Variants in ATOX1 observed in about 807,000 individuals in gnomAD.
ATOX1 encodes copper transport protein ATOX1.
Under a neutral mutation model 7.3 loss-of-function variants are expected in ATOX1, and 4 were observed. The observed-to-expected ratio is 0.55, with a 90% CI of 0.27 to 1.25. The LOEUF is 1.25. Among genes scored for constraint, ATOX1 ranks in the 50% most tolerant of loss-of-function variants. The pLI, the probability that ATOX1 is intolerant of heterozygous loss-of-function variation, is 0.12. For missense variants in ATOX1, 68 were observed against 81.6 expected (o/e 0.83, Z 0.64); for synonymous variants, 25 against 28.7 (o/e 0.87, Z 0.41).
chr5:151,743,172 G>A (rs916996095), intron 3 of ATOX1: 4 of 152,240 alleles, frequency 2.6e-5, no homozygotes, highest in African/African-American at 4.8e-5. Flanking sequence ...CTGCTCCCAT[G>A]AAGTCTGTTA....
Position 151,751,148 on chromosome 5 carries a change from T to C in ATOX1, c.82+556A>G, listed in dbSNP as rs186794472. On this transcript the variant is annotated intron_variant, in intron 2 of 3. Coordinates refer to ENST00000313115, the MANE Select transcript of ATOX1 (RefSeq NM_004045.4). ...GTGCATGCCTGTAATCCCAGCTACT[T>C]GGAAGGCTGAGGCAAGAGAATTGCT... is the stretch of plus-strand genomic sequence containing the variant. Among the ~76,000 whole-genome samples, 120 of 149,726 alleles carry C rather than the reference T, an allele frequency of 8.0e-4. 2 individuals carry two copies. In the East Asian group the frequency reaches 0.02, roughly 25 times the overall value.
intron 1 of ATOX1, among the ~76,000 whole-genome samples, chr5:151,753,441 A>C (rs1761976047): frequency 6.6e-6 from 1 of 152,224 alleles, no homozygotes; most frequent in Non-Finnish European, 1.5e-5. Flanking sequence ...AAGGTTAGCT[A>C]TTGGATTATT....
chr5:151,745,478 C>T (rs1330086817), intron 3 of ATOX1: 1 of 152,166 alleles, frequency 6.6e-6, no homozygotes, highest in East Asian at 1.9e-4. Context: ...CCAGGAGTGC[C>T]CTGCTGAGAC....
At chr5:151,743,149 C>A (rs1761841063) in intron 3 of ATOX1, 190 bp from the exon 4 acceptor site, 2 of 152,256 alleles carry the variant, frequency 1.3e-5, no homozygotes, top group Admixed American at 1.3e-4. Flanking sequence ...GCCCCAGTGT[C>A]CAGCCCTGCA....
intron 1 of ATOX1, among the ~76,000 whole-genome samples, chr5:151,753,177 T>C (rs1454412355): frequency 6.6e-6 from 1 of 152,200 alleles, no homozygotes; most frequent in African/African-American, 2.4e-5. Context: ...ATGTTGGAAG[T>C]GGATTCTCCA....
intron 1 of ATOX1, among the ~76,000 whole-genome samples, chr5:151,757,183 G>C (rs1762028799): frequency 6.6e-6 from 1 of 152,020 alleles, no homozygotes; most frequent in South Asian, 2.1e-4. Context: ...CTGTTATCTT[G>C]TGGTACATGG....
intron 1 of ATOX1, 140 bp from the exon 2 acceptor site, chr5:151,751,919 CCTGT>C: frequency 4.1e-6 from 3 of 732,288 alleles, no homozygotes; most frequent in Non-Finnish European, 6.8e-6. Flanking sequence ...TCATCAGAAG[CCTGT>C]TTCTGAGCCC....
intron 1 of ATOX1, among the ~76,000 whole-genome samples, chr5:151,757,105 T>C (rs1762028022): frequency 6.6e-6 from 1 of 152,152 alleles, no homozygotes; most frequent in Non-Finnish European, 1.5e-5. Flanking sequence ...TATGTGTATA[T>C]AGATATATTT....
chr5:151,754,333 G>A (rs1761985890), intron 1 of ATOX1, among the ~76,000 whole-genome samples: 1 of 152,132 alleles, frequency 6.6e-6, no homozygotes. Context: ...TTTAGGCTGG[G>A]CAATGTGGCT....
chr5:151,755,642 A>G (rs1425685201), intron 1 of ATOX1, among the ~76,000 whole-genome samples: 1 of 152,182 alleles, frequency 6.6e-6, no homozygotes, highest in African/African-American at 2.4e-5. Context: ...CCCCCACAGT[A>G]TAAAGGTCAG....
At chr5:151,749,777 G>C (rs1202147809) in intron 2 of ATOX1, among the ~76,000 whole-genome samples, 2 of 151,544 alleles carry the variant, frequency 1.3e-5, no homozygotes, top group East Asian at 3.9e-4. Context: ...GAGAAAGAAG[G>C]GCCCACAGTC....
In ATOX1 at chr5:151,758,389, C is replaced by A. The variant is rs146806287; in HGVS notation, c.6+157G>T. On this transcript the variant is annotated intron_variant, in intron 1 of 3. Coordinates refer to ENST00000313115, the MANE Select transcript of ATOX1 (RefSeq NM_004045.4). Reference sequence around the variant, plus strand: ...CTTCGGATCCCATTTTCTGAAGGGTCGCAAAAGCTGGGGGCTGGGTGGGGT... The same window carrying A: ...CTTCGGATCCCATTTTCTGAAGGGTAGCAAAAGCTGGGGGCTGGGTGGGGT... Among the ~76,000 whole-genome samples, 815 of 152,362 alleles carry A rather than the reference C, an allele frequency of 5.3e-3. 9 individuals carry two copies. Among genetic ancestry groups the A allele is most frequent in the African/African-American group, 0.018 (754 of 41,588 alleles).
chr5:151,747,371 G>A (rs1761891800), intron 2 of ATOX1, among the ~76,000 whole-genome samples: 1 of 147,368 alleles, frequency 6.8e-6, no homozygotes, highest in South Asian at 2.2e-4. Context: ...CTGTATCCTT[G>A]AATACCTGGG....
chr5:151,751,917 A>AACAG, intron 1 of ATOX1, 138 bp from the exon 2 acceptor site: 4 of 747,708 alleles, frequency 5.3e-6, no homozygotes, highest in Non-Finnish European at 8.8e-6. Context: ...ACTCATCAGA[A>AACAG]GCCTGTTTCT....
chr5:151,758,154 C>G (rs1450259698), intron 1 of ATOX1, among the ~76,000 whole-genome samples: 2 of 152,272 alleles, frequency 1.3e-5, no homozygotes, highest in African/African-American at 4.8e-5. Flanking sequence ...AGCCTCCCCA[C>G]CGCCCTCCTT....
At chr5:151,757,506 GC>G (rs1264431607) in intron 1 of ATOX1, among the ~76,000 whole-genome samples, 1 of 152,204 alleles carries the variant, frequency 6.6e-6, no homozygotes, top group Non-Finnish European at 1.5e-5. Context: ...CAGTGGCTCT[GC>G]CCAGGAGGCC....
intron 1 of ATOX1, chr5:151,752,326 G>T (rs142187565): frequency 2.8e-6 from 2 of 702,470 alleles, no homozygotes; most frequent in African/African-American, 3.5e-5. Flanking sequence ...TCCAAGGGCC[G>T]CATTCTCAGA....
intron 2 of ATOX1, among the ~76,000 whole-genome samples, chr5:151,749,052 C>T (rs140784645): frequency 6.6e-6 from 1 of 151,872 alleles, no homozygotes; most frequent in Admixed American, 6.6e-5. Context: ...GAGCCAAGAC[C>T]GCGCCACTGC....
Position 151,755,635 on chromosome 5 carries a change from C to G in ATOX1, c.6+2911G>C, listed in dbSNP as rs529299010. 4.6e-4 allele frequency among the ~76,000 whole-genome samples: 70 copies of G among 152,252 alleles called. 1 individual carries two copies. In the South Asian group the frequency reaches 8.9e-3, roughly 19 times the overall value. ...GACTACAGGGAGTAGGTCCCATCCC[C>G]CACAGTATAAAGGTCAGAAGCCAGA... is the stretch of plus-strand genomic sequence containing the variant. On this transcript the variant is annotated intron_variant, in intron 1 of 3. Coordinates refer to ENST00000313115, the MANE Select transcript of ATOX1 (RefSeq NM_004045.4).
Sources: allele counts gnomAD v4.1 joint callset (sites outside exome capture counted in the v4.1 genomes callset), GRCh38; gene constraint gnomAD v4.1.1; transcripts MANE v1.5; gene names NCBI Gene and HGNC (gene_info 2026-07-23, HGNC 2026-07-21).